Variants in PCDHGA7 observed in about 807,000 individuals in gnomAD.
PCDHGA7 encodes protocadherin gamma-A7.
PCDHGA7 carries 44 observed loss-of-function variants against 58.3 expected under a neutral mutation model. That is an observed-to-expected ratio of 0.75 (90% CI 0.59 to 0.97). The LOEUF (loss-of-function observed/expected upper bound fraction) is 0.97, where lower values mean the gene tolerates loss of function less well. Among genes scored for constraint, PCDHGA7 ranks in the 50% least tolerant of loss-of-function variants. PCDHGA7 has a pLI of 0.00. For missense variants in PCDHGA7, 1,266 were observed against 1,188.7 expected (o/e 1.06, Z -0.96); for synonymous variants, 516 against 504.2 (o/e 1.02, Z -0.31).
In PCDHGA7 at chr5:141,382,838, A is replaced by C. The variant is rs1040102322; in HGVS notation, c.-62A>C. ...TCCTAAGACAGAGGGGTCCACCCGG[A>C]TACACCCGCATTCTGAAGCACTTCC... On this transcript the variant is annotated 5_prime_UTR_variant, in exon 1 of 4. Transcript: ENST00000518325. 1 of 1,445,878 alleles carries C rather than the reference A, an allele frequency of 6.9e-7. No individual in the cohort carries two copies. Among genetic ancestry groups the C allele is most frequent in the Non-Finnish European group, 9.3e-7 (1 of 1,071,074 alleles). The allele number at this position is 1,445,878 out of a possible 1,614,324, so 89.6% of individuals were successfully genotyped here.
Position 141,493,701 on chromosome 5 carries a change from C to G in PCDHGA7, c.2425-1106C>G, listed in dbSNP as rs2099749680. 6.6e-6 allele frequency among the ~76,000 whole-genome samples: 1 copy of G among 152,172 alleles called. No homozygotes were observed. Among genetic ancestry groups the G allele is most frequent in the Admixed American group, 6.5e-5 (1 of 15,286 alleles). On this transcript the variant is annotated intron_variant, in intron 1 of 3. Coordinates refer to ENST00000518325, the MANE Select transcript of PCDHGA7 (RefSeq NM_018920.4). This position sits in a 1 kb window ranked among gnomAD's most constrained non-coding sequence, Gnocchi z 4.3. Reference sequence around the variant, plus strand: ...ATGGTGCTGGTGACTCCCGATACACCTGGAATGCTAGGTTTCTGGGTTCTG... The same window carrying G: ...ATGGTGCTGGTGACTCCCGATACACGTGGAATGCTAGGTTTCTGGGTTCTG...
chr5:141,500,877 A>ATTT (rs369345007), intron 2 of PCDHGA7, among the ~76,000 whole-genome samples: 1 of 122,288 alleles, frequency 8.2e-6, no homozygotes, highest in Admixed American at 8.0e-5. Context: ...TTCATTTACA[A>ATTT]TTTTTTTTTT....
At chr5:141,478,838 T>C (rs1439577444) in intron 1 of PCDHGA7, 1 of 1,426,484 alleles carries the variant, frequency 7.0e-7, no homozygotes, top group Non-Finnish European at 9.2e-7. Flanking sequence ...TAAGGGATGG[T>C]TAAGCTAAAA....
chr5:141,415,136 G>C (rs763832284), intron 1 of PCDHGA7: 1 of 1,613,548 alleles, frequency 6.2e-7, no homozygotes, highest in Admixed American at 1.7e-5. Flanking sequence ...CAGGACCACG[G>C]CCAGCCCCCT....
chr5:141,385,160 C>T lies in PCDHGA7; in HGVS notation c.2261C>T (p.Ser754Phe), dbSNP rs765072883. 6.2e-6 allele frequency: 10 copies of T among 1,614,096 alleles called. No individual in the cohort carries two copies. The East Asian group carries it at 2.0e-4, about 32-fold the overall frequency. Residue 754 changes from serine to phenylalanine, a missense_variant, in exon 1 of 4, where the codon TCC becomes TTC. Ser to Phe is a radical substitution (Grantham distance 155). Coordinates refer to ENST00000518325, the MANE Select transcript of PCDHGA7 (RefSeq NM_018920.4). The part of the protein sequence containing the change: ...DGVQAFLQTY[S>F]HEVSLTADSR... ...GTGCAGGCTTTCCTGCAGACCTATT[C>T]CCATGAGGTCTCCCTCACCGCGGAC...
intron 1 of PCDHGA7, among the ~76,000 whole-genome samples, chr5:141,402,781 T>G (rs1456317365): frequency 1.3e-5 from 2 of 152,200 alleles, no homozygotes; most frequent in Non-Finnish European, 2.9e-5. Context: ...GATTTCCAGT[T>G]CTGCGGCTAC....
intron 1 of PCDHGA7, chr5:141,414,763 C>A: frequency 6.2e-7 from 1 of 1,614,258 alleles, no homozygotes; most frequent in Non-Finnish European, 8.5e-7. Flanking sequence ...TGAGCAGTTT[C>A]ATGAGCTACA....
chr5:141,414,900 T>C (rs1402776790), intron 1 of PCDHGA7: 5 of 1,614,170 alleles, frequency 3.1e-6, no homozygotes, highest in Middle Eastern at 1.6e-4. Flanking sequence ...CCACAGACGG[T>C]TCCACAGGCG....
chr5:141,437,518 T>C (rs1482415074), intron 1 of PCDHGA7, among the ~76,000 whole-genome samples: 1 of 152,210 alleles, frequency 6.6e-6, no homozygotes, highest in African/African-American at 2.4e-5. Flanking sequence ...ATAAGGCTGA[T>C]GACAAATGAG....
intron 1 of PCDHGA7, among the ~76,000 whole-genome samples, chr5:141,407,487 C>T (rs928735518): frequency 7.0e-6 from 1 of 142,894 alleles, no homozygotes; most frequent in African/African-American, 2.6e-5. Context: ...TATGGAAAAT[C>T]TTTATTTCTG....
rs181397365 is a variant in PCDHGA7, at chr5:141,481,810, G to A, written c.2425-12997G>A. Among the ~76,000 whole-genome samples, 99 of 151,944 alleles carry A rather than the reference G, an allele frequency of 6.5e-4. 1 individual carries two copies. The highest frequency in any genetic ancestry group is 2.4e-3 in the African/African-American group (98 of 41,418). On this transcript the variant is annotated intron_variant, in intron 1 of 3. Transcript: ENST00000518325. ...CTACTAAAAATACAAAAATTCACCA[G>A]GCGTGGTGGCTGAGGCAGGAGAATC...
At chr5:141,473,369 G>A (rs888984972) in intron 1 of PCDHGA7, among the ~76,000 whole-genome samples, 1 of 152,200 alleles carries the variant, frequency 6.6e-6, no homozygotes, top group African/African-American at 2.4e-5. Context: ...CACCAAAATA[G>A]CATGGTCCCT....
At chr5:141,499,461 A>G (rs1448103747) in intron 2 of PCDHGA7, among the ~76,000 whole-genome samples, 2 of 152,226 alleles carry the variant, frequency 1.3e-5, no homozygotes. Flanking sequence ...TCATTTTACA[A>G]TCTAGGGAGA....
intron 1 of PCDHGA7, chr5:141,393,401 G>C: frequency 6.2e-7 from 1 of 1,614,036 alleles, no homozygotes; most frequent in South Asian, 1.1e-5. Context: ...AGCTGGTGCT[G>C]GAGCGCGCCC....
intron 1 of PCDHGA7, chr5:141,424,789 A>T (rs538504226): frequency 2.0e-5 from 3 of 152,238 alleles, no homozygotes; most frequent in African/African-American, 7.2e-5. Flanking sequence ...CAGTTCTTTT[A>T]TTCAGACCAA....
At chr5:141,421,895 G>C in intron 1 of PCDHGA7, 1 of 1,613,730 alleles carries the variant, frequency 6.2e-7, no homozygotes, top group Non-Finnish European at 8.5e-7. Context: ...GATCCCATCC[G>C]AAAGGGCGCA....
intron 1 of PCDHGA7, chr5:141,394,148 T>C (rs2092927771): frequency 6.2e-7 from 1 of 1,613,768 alleles, no homozygotes; most frequent in African/African-American, 1.3e-5. Context: ...TGGCAGACAT[T>C]AACGACAACC....
intron 1 of PCDHGA7, chr5:141,387,798 G>T: frequency 6.6e-7 from 1 of 1,505,108 alleles, no homozygotes; most frequent in Non-Finnish European, 8.9e-7. Context: ...ACTAAAGTCC[G>T]TTCGGAGATC....
In PCDHGA7 at chr5:141,404,188, A is replaced by C. The variant is rs1001365354; in HGVS notation, c.2424+18865A>C. On this transcript the variant is annotated intron_variant, in intron 1 of 3. Transcript: ENST00000518325. Reference sequence around the variant, plus strand: ...TGTTGACGGCCCAAATTCTTGACCGAGAAAAAGCCTCAGAATATAATATCA... The same window carrying C: ...TGTTGACGGCCCAAATTCTTGACCGCGAAAAAGCCTCAGAATATAATATCA... 3.7e-6 allele frequency: 6 copies of C among 1,613,398 alleles called. No individual in the cohort carries two copies. The African/African-American group carries it at 5.3e-5, about 14-fold the overall frequency.
Sources: gnomAD v4.1 joint callset for allele counts (sites outside exome capture counted in the v4.1 genomes callset) on GRCh38, gnomAD v4.1.1 for gene constraint, Gnocchi (gnomAD v3.1) non-coding constraint, MANE v1.5 for transcripts, NCBI Gene and HGNC (gene_info 2026-07-23, HGNC 2026-07-21) for gene names.